The following LRRC4C variants were observed in gnomAD, a reference collection of about 807,000 sequenced individuals.
LRRC4C encodes leucine rich repeat containing 4C.
Under a neutral mutation model 33.6 loss-of-function variants are expected in LRRC4C, and 5 were observed. The ratio of observed to expected loss-of-function variants is 0.15; its 90% CI spans 0.08 to 0.31. LRRC4C has a LOEUF of 0.31. Among genes scored for constraint, LRRC4C ranks in the 10% least tolerant of loss-of-function variants. The pLI, the probability that LRRC4C is intolerant of heterozygous loss-of-function variation, is 1.00. For missense variants in LRRC4C, 560 were observed against 796.7 expected (o/e 0.70, Z 3.58); for synonymous variants, 329 against 302.0 (o/e 1.09, Z -0.93).
At chr11:40,687,529 A>C (rs993100546) in intron 2 of LRRC4C, among the ~76,000 whole-genome samples, 6 of 152,120 alleles carry the variant, frequency 3.9e-5, no homozygotes. Context: ...TTGCTTAATA[A>C]ATAGTATTTG....
chr11:41,256,979 A>C (rs1446821791), intron 1 of LRRC4C, among the ~76,000 whole-genome samples: 1 of 152,114 alleles, frequency 6.6e-6, no homozygotes, highest in East Asian at 1.9e-4. Context: ...TTAAGCTTTC[A>C]TTAAGAAGCT....
At chr11:40,269,885 C>G (rs1942560499) in intron 4 of LRRC4C, among the ~76,000 whole-genome samples, 2 of 152,066 alleles carry the variant, frequency 1.3e-5, no homozygotes, top group Non-Finnish European at 2.9e-5. Flanking sequence ...AAGTCTTTTC[C>G]TTTTGGAACT....
rs190943531 is a variant in LRRC4C, at chr11:40,932,022, C to G, written c.-407+1613G>C. On this transcript the variant is annotated intron_variant, in intron 2 of 6. Coordinates refer to ENST00000528697, the MANE Select transcript of LRRC4C (RefSeq NM_001258419.2). ...AAATAACCAAGTTAATTGTCCTGAC[C>G]TCAAGGGGCTGAGACTCTGAAGAAG... Among the ~76,000 whole-genome samples, 222 of 152,170 alleles carry G rather than the reference C, an allele frequency of 1.5e-3. 2 individuals carry two copies. The highest frequency in any genetic ancestry group is 7.9e-3 in the South Asian group (38 of 4,820).
At chr11:40,950,632 A>C (rs1334880659) in intron 1 of LRRC4C, among the ~76,000 whole-genome samples, 1 of 152,200 alleles carries the variant, frequency 6.6e-6, no homozygotes, top group African/African-American at 2.4e-5. Flanking sequence ...ATTTCTAATT[A>C]CCATAGTGAT....
chr11:40,421,635 C>T (rs951507220), intron 3 of LRRC4C, among the ~76,000 whole-genome samples: 1 of 152,206 alleles, frequency 6.6e-6, no homozygotes, highest in African/African-American at 2.4e-5. Flanking sequence ...CTGCCCCACT[C>T]ATCGACCCAC....
At position 40,560,442 on chromosome 11, in the gene LRRC4C, T is replaced by TTGTGTGTGTG. The variant is rs66917448; in HGVS notation, c.-270+87690_-270+87699dup. Among the ~76,000 whole-genome samples, 1,085 of 149,404 alleles carry TTGTGTGTGTG rather than the reference T, an allele frequency of 7.3e-3. 4 individuals carry two copies. Among genetic ancestry groups the TTGTGTGTGTG allele is most frequent in the Middle Eastern group, 0.028 (8 of 290 alleles). ...CAACCAATGATGTGTGTGCCTGTGTTTGTGTGTGTGTGTGTGTGTGTGTGT... is the reference window on the plus strand; with the variant it reads ...CAACCAATGATGTGTGTGCCTGTGTTTGTGTGTGTGTGTGTGTGTGTGTGTGTGTGTGTGT... On this transcript the variant is annotated intron_variant, in intron 3 of 6. Coordinates refer to ENST00000528697, the MANE Select transcript of LRRC4C (RefSeq NM_001258419.2).
chr11:40,971,149 G>A (rs1851701732), intron 1 of LRRC4C, among the ~76,000 whole-genome samples: 1 of 152,146 alleles, frequency 6.6e-6, no homozygotes, highest in Non-Finnish European at 1.5e-5. Flanking sequence ...TAAGTAAAGA[G>A]GAGCCAAATG....
intron 2 of LRRC4C, among the ~76,000 whole-genome samples, chr11:40,741,794 C>T (rs1279870978): frequency 2.6e-5 from 4 of 152,012 alleles, no homozygotes; most frequent in African/African-American, 7.2e-5. Flanking sequence ...CTGATTACCA[C>T]TCTCTTAAAA....
At chr11:41,359,307 A>G (rs1428516647) in intron 1 of LRRC4C, among the ~76,000 whole-genome samples, 1 of 152,178 alleles carries the variant, frequency 6.6e-6, no homozygotes, top group Admixed American at 6.5e-5. Flanking sequence ...AGTAAAATGT[A>G]CAATAGCAAG....
At chr11:41,306,365 C>A (rs188525508) in intron 1 of LRRC4C, among the ~76,000 whole-genome samples, 41 of 152,318 alleles carry the variant, frequency 2.7e-4, no homozygotes, top group African/African-American at 8.4e-4. Context: ...AGGGAAGAAG[C>A]AATGCATTTT....
chr11:41,325,566 GTTTT>G (rs71466927), intron 1 of LRRC4C, among the ~76,000 whole-genome samples: 5,322 of 106,548 alleles, frequency 0.05, 158 homozygotes, highest in Admixed American at 0.093. Context: ...TGTCCTTATA[GTTTT>G]TTTTTTTTGT....
chr11:40,505,893 C>G (rs1955011880), intron 3 of LRRC4C, among the ~76,000 whole-genome samples: 1 of 111,910 alleles, frequency 8.9e-6, no homozygotes, highest in Admixed American at 1.1e-4. Context: ...TCCAAGAAGC[C>G]TGAAAATGAT....
chr11:41,179,931 C>G (rs1945372946), intron 1 of LRRC4C, among the ~76,000 whole-genome samples: 1 of 152,050 alleles, frequency 6.6e-6, no homozygotes, highest in South Asian at 2.1e-4. Flanking sequence ...AGCCAGTAAA[C>G]AATTACATTA....
intron 1 of LRRC4C, among the ~76,000 whole-genome samples, chr11:41,023,953 T>C (rs1282715842): frequency 1.3e-5 from 2 of 151,800 alleles, no homozygotes; most frequent in Non-Finnish European, 2.9e-5. Flanking sequence ...ATTTATCTCC[T>C]GTTACTTTGT....
chr11:40,654,456 G>A (rs1942990038), intron 2 of LRRC4C, among the ~76,000 whole-genome samples: 1 of 152,156 alleles, frequency 6.6e-6, no homozygotes, highest in African/African-American at 2.4e-5. Flanking sequence ...GGAAGTTTAA[G>A]GTTTAATTCC....
At chr11:41,306,035 A>G (rs7481352) in intron 1 of LRRC4C, among the ~76,000 whole-genome samples, 1 of 118,482 alleles carries the variant, frequency 8.4e-6, no homozygotes, top group South Asian at 3.4e-4. Flanking sequence ...AAAAAAAAAA[A>G]AAAAAGAAAG....
At chr11:41,366,246 G>C (rs528329607) in intron 1 of LRRC4C, among the ~76,000 whole-genome samples, 3 of 135,940 alleles carry the variant, frequency 2.2e-5, no homozygotes, top group Non-Finnish European at 4.7e-5. Flanking sequence ...AGATAGATAG[G>C]TAGATATCCT....
intron 5 of LRRC4C, among the ~76,000 whole-genome samples, chr11:40,162,459 G>A (rs1859234535): frequency 6.6e-6 from 1 of 152,092 alleles, no homozygotes; most frequent in African/African-American, 2.4e-5. Context: ...CTCTCACCCA[G>A]GGTGAGAGAA....
chr11:40,307,288 T>C (rs529485050), intron 4 of LRRC4C, among the ~76,000 whole-genome samples: 8 of 152,304 alleles, frequency 5.3e-5, no homozygotes, highest in African/African-American at 1.9e-4. Context: ...GGACATAAAC[T>C]GTCCCTTTCT....
Sources: allele counts gnomAD v4.1 joint callset (sites outside exome capture counted in the v4.1 genomes callset), GRCh38; gene constraint gnomAD v4.1.1; transcripts MANE v1.5; gene names NCBI Gene and HGNC (gene_info 2026-07-23, HGNC 2026-07-21).